Variants in ZMAT4 observed in about 807,000 individuals in gnomAD.
The protein encoded by ZMAT4 is zinc finger matrin-type 4, also known as zinc finger matrin-type protein 4.
Under a neutral mutation model 28.7 loss-of-function variants are expected in ZMAT4, and 17 were observed. The ratio of observed to expected loss-of-function variants is 0.59; its 90% confidence interval spans 0.41 to 0.89. ZMAT4 has a LOEUF of 0.89. Ranked by LOEUF, ZMAT4 falls within the 40% of genes least tolerant of loss-of-function variation. The pLI is 0.00. For synonymous variants in ZMAT4, 117 were observed against 109.2 expected (o/e 1.07, Z -0.44); for missense variants, 240 against 283.8 (o/e 0.85, Z 1.11).
intron 2 of ZMAT4, among the ~76,000 whole-genome samples, chr8:40,793,489 C>G (rs1814452296): frequency 6.6e-6 from 1 of 152,202 alleles, no homozygotes; most frequent in African/African-American, 2.4e-5. Context: ...TTCCTAATAG[C>G]ATGATTTAAC....
chr8:40,756,443 T>TATATATATATATATAC (rs1164288962), intron 3 of ZMAT4, among the ~76,000 whole-genome samples: 1 of 125,688 alleles, frequency 8.0e-6, no homozygotes, highest in Non-Finnish European at 1.7e-5. Context: ...TATATATATA[T>TATATATATATATATAC]ATATATATAT....
intron 5 of ZMAT4, among the ~76,000 whole-genome samples, chr8:40,637,501 C>A (rs570572950): frequency 6.6e-6 from 1 of 152,324 alleles, no homozygotes; most frequent in African/African-American, 2.4e-5. Context: ...GCACCTACCA[C>A]TCCTTGTCTC....
chr8:40,865,062 AT>A (rs1817629015), intron 1 of ZMAT4, among the ~76,000 whole-genome samples: 1 of 152,186 alleles, frequency 6.6e-6, no homozygotes, highest in Non-Finnish European at 1.5e-5. Flanking sequence ...GTGAAATTAA[AT>A]CTTACTGGCA....
chr8:40,702,298 T>C (rs187856239), intron 3 of ZMAT4, among the ~76,000 whole-genome samples: 71 of 152,328 alleles, frequency 4.7e-4, no homozygotes, highest in Non-Finnish European at 9.4e-4. Context: ...GGTTGATATA[T>C]AGCCCGGGGT....
intron 5 of ZMAT4, among the ~76,000 whole-genome samples, chr8:40,604,662 GAT>G (rs1805518606): frequency 6.6e-6 from 1 of 152,142 alleles, no homozygotes; most frequent in South Asian, 2.1e-4. Flanking sequence ...TTTCAACAGA[GAT>G]ATTAATCCGT....
At chr8:40,556,273 T>C (rs887713046) in intron 6 of ZMAT4, among the ~76,000 whole-genome samples, 1 of 152,196 alleles carries the variant, frequency 6.6e-6, no homozygotes, top group Non-Finnish European at 1.5e-5. Flanking sequence ...AACACTCTTG[T>C]TCAGTTTTTT....
intron 1 of ZMAT4, among the ~76,000 whole-genome samples, chr8:40,831,324 T>TGA (rs1586133292): frequency 6.6e-6 from 1 of 152,334 alleles, no homozygotes; most frequent in East Asian, 1.9e-4. Context: ...AGAAGTTTGA[T>TGA]GAGAACTTTG....
intron 2 of ZMAT4, among the ~76,000 whole-genome samples, chr8:40,824,021 C>A (rs1815928666): frequency 6.6e-6 from 1 of 152,128 alleles, no homozygotes; most frequent in Non-Finnish European, 1.5e-5. Context: ...CTCATTTGGT[C>A]ACCACAAAAT....
intron 5 of ZMAT4, among the ~76,000 whole-genome samples, chr8:40,591,410 G>C (rs1271809933): frequency 6.6e-6 from 1 of 152,138 alleles, no homozygotes; most frequent in Non-Finnish European, 1.5e-5. Context: ...AGATGTGTGT[G>C]CAGGAACCAG....
intron 3 of ZMAT4, among the ~76,000 whole-genome samples, chr8:40,698,164 A>T (rs1432254332): frequency 2.0e-5 from 3 of 152,000 alleles, no homozygotes; most frequent in African/African-American, 7.3e-5. Context: ...TGCTGGCTGG[A>T]TTTTCTGGGA....
At chr8:40,747,875 A>T (rs1184831304) in intron 3 of ZMAT4, among the ~76,000 whole-genome samples, 1 of 152,270 alleles carries the variant, frequency 6.6e-6, no homozygotes, top group Non-Finnish European at 1.5e-5. Flanking sequence ...AAATGTGAAG[A>T]GGAAATTTAA....
chr8:40,747,269 A>C (rs1585985429), intron 3 of ZMAT4, among the ~76,000 whole-genome samples: 1 of 152,348 alleles, frequency 6.6e-6, no homozygotes, highest in Non-Finnish European at 1.5e-5. Context: ...TTAGAAAGGA[A>C]CAATTGATCA....
intron 2 of ZMAT4, among the ~76,000 whole-genome samples, chr8:40,811,261 A>G (rs1027259424): frequency 1.3e-5 from 2 of 152,206 alleles, no homozygotes; most frequent in African/African-American, 4.8e-5. Context: ...TTACAGACAG[A>G]AGCCTGGTCT....
chr8:40,533,948 G>T (rs540136174), intron 6 of ZMAT4, among the ~76,000 whole-genome samples: 12 of 152,288 alleles, frequency 7.9e-5, no homozygotes, highest in Admixed American at 3.9e-4. Context: ...TTTATAAACT[G>T]CAAAGATGAA....
At position 40,875,754 on chromosome 8, in the gene ZMAT4, C is replaced by T. The variant is rs151017926; in HGVS notation, c.-5+21929G>A. Among the ~76,000 whole-genome samples the T allele has an allele frequency of 3.4e-3, 520 of 152,166 alleles. 1 individual carries two copies. The highest frequency in any genetic ancestry group is 5.9e-3 in the Non-Finnish European group (399 of 68,002). On this transcript the variant is annotated intron_variant, in intron 1 of 6. Transcript: ENST00000297737. ...CAAGTTCTGCCCACAGTGCCCGGGC[C>T]GGTCAGGCAGTAAGACGATGGAGGA...
chr8:40,758,118 C>T (rs956469287), intron 3 of ZMAT4, among the ~76,000 whole-genome samples: 1 of 152,124 alleles, frequency 6.6e-6, no homozygotes, highest in Admixed American at 6.5e-5. Context: ...AGCTTGCAGG[C>T]GGCCTATTGT....
intron 3 of ZMAT4, among the ~76,000 whole-genome samples, chr8:40,713,999 T>C (rs1810743133): frequency 1.4e-5 from 2 of 138,542 alleles, no homozygotes; most frequent in Admixed American, 1.4e-4. Flanking sequence ...TTAAAAAATA[T>C]AAAAAAGATC....
At chr8:40,555,397 A>G (rs975126713) in intron 6 of ZMAT4, among the ~76,000 whole-genome samples, 9 of 152,268 alleles carry the variant, frequency 5.9e-5, no homozygotes, top group African/African-American at 2.2e-4. Flanking sequence ...CTTAATCACC[A>G]TCTCAGATAT....
intron 6 of ZMAT4, among the ~76,000 whole-genome samples, chr8:40,554,171 C>T (rs1464298068): frequency 6.6e-6 from 1 of 152,060 alleles, no homozygotes; most frequent in Non-Finnish European, 1.5e-5. Flanking sequence ...TCCCTAAATA[C>T]TTTTTTGGGG....
Sources: allele counts gnomAD v4.1 joint callset (sites outside exome capture counted in the v4.1 genomes callset), GRCh38; gene constraint gnomAD v4.1.1; transcripts MANE v1.5; gene names NCBI Gene and HGNC (gene_info 2026-07-23, HGNC 2026-07-21).